Variants in ZFPM2 observed in about 807,000 individuals in gnomAD.
ZFPM2 encodes zinc finger protein ZFPM2.
ZFPM2 carries 20 observed loss-of-function variants against 98.6 expected under a neutral mutation model. That is an observed-to-expected ratio of 0.20 (90% CI 0.14 to 0.29). ZFPM2 has a LOEUF of 0.29. Among genes scored for constraint, ZFPM2 ranks in the 10% least tolerant of loss-of-function variants. ZFPM2 has a pLI of 1.00. For synonymous variants in ZFPM2, 518 were observed against 502.7 expected (o/e 1.03, Z -0.41); for missense variants, 1,310 against 1,388.6 (o/e 0.94, Z 0.90).
chr8:105,565,282 A>G (rs1045658581), intron 4 of ZFPM2, among the ~76,000 whole-genome samples: 4 of 152,200 alleles, frequency 2.6e-5, no homozygotes, highest in Non-Finnish European at 4.4e-5. Flanking sequence ...TAGTTTGACA[A>G]AAAGTTGTTC....
chr8:105,320,063 C>A (rs1811991881), intron 1 of ZFPM2, among the ~76,000 whole-genome samples: 2 of 152,180 alleles, frequency 1.3e-5, no homozygotes, highest in Admixed American at 1.3e-4. Context: ...TAGTTTTAAA[C>A]AAATTATGAT....
In ZFPM2 at chr8:105,756,759, G is replaced by T. The variant is rs1206935378; in HGVS notation, c.533-31959G>T. On this transcript the variant is annotated intron_variant, in intron 5 of 7. Transcript: ENST00000407775. Reference sequence around the variant, plus strand: ...AAATGCAGTTTTTAAACTAGGTAGAGGCTTTTGTAGATTTCATGCAGCAGT... The same window carrying T: ...AAATGCAGTTTTTAAACTAGGTAGATGCTTTTGTAGATTTCATGCAGCAGT... Among the ~76,000 whole-genome samples the T allele has an allele frequency of 1.5e-3, 12 of 7,998 alleles. No individual in the cohort carries two copies. The African/African-American group carries it at 0.017, about 11-fold the overall frequency. 5.2% of individuals were successfully genotyped at this position (7,998 alleles called of 152,430 possible). A position where few individuals can be genotyped will look rare whatever the true frequency, so the allele number is the denominator to read the frequency against.
intron 3 of ZFPM2, among the ~76,000 whole-genome samples, chr8:105,472,888 CCTT>C (rs1293547062): frequency 0.023 from 2,549 of 110,430 alleles, 83 homozygotes; most frequent in African/African-American, 0.078. Flanking sequence ...CCTAAAGGGA[CCTT>C]TTTTTTTTTT....
intron 1 of ZFPM2, among the ~76,000 whole-genome samples, chr8:105,389,011 G>A (rs1378876685): frequency 8.2e-6 from 1 of 121,508 alleles, no homozygotes; most frequent in African/African-American, 3.6e-5. Context: ...AGAATTTGAT[G>A]ACGTGTGTGT....
Position 105,444,177 on chromosome 8 carries a change from C to G in ZFPM2, c.200-103C>G, listed in dbSNP as rs568833824. On this transcript the variant is annotated intron_variant, in intron 2 of 7. Coordinates refer to ENST00000407775, the MANE Select transcript of ZFPM2 (RefSeq NM_012082.4). ...GTGTAATGACAATATGTATAACAAACCTGTAATTAGATATATGATAAGGAC... is the reference window on the plus strand; with the variant it reads ...GTGTAATGACAATATGTATAACAAAGCTGTAATTAGATATATGATAAGGAC... 3.5e-6 allele frequency: 3 copies of G among 858,104 alleles called. No homozygotes were observed. The East Asian group carries it at 8.1e-5, about 23-fold the overall frequency. 53.2% of individuals were successfully genotyped at this position (858,104 alleles called of 1,614,324 possible).
At chr8:105,438,751 T>C (rs533760402) in intron 2 of ZFPM2, among the ~76,000 whole-genome samples, 1 of 152,232 alleles carries the variant, frequency 6.6e-6, no homozygotes, top group East Asian at 1.9e-4. Flanking sequence ...TGTATTTGTA[T>C]CACAGGGTCA....
chr8:105,660,862 TATC>T (rs1343668936), intron 5 of ZFPM2, among the ~76,000 whole-genome samples: 3 of 152,142 alleles, frequency 2.0e-5, no homozygotes, highest in Admixed American at 6.5e-5. Flanking sequence ...TTACATATAA[TATC>T]ATAGAAAGCA....
chr8:105,427,364 C>T (rs1934610436), intron 2 of ZFPM2, among the ~76,000 whole-genome samples: 1 of 152,064 alleles, frequency 6.6e-6, no homozygotes, highest in African/African-American at 2.4e-5. Flanking sequence ...ATATGAGTAA[C>T]ATATGATAAT....
chr8:105,582,739 A>G (rs1165427423), intron 4 of ZFPM2, among the ~76,000 whole-genome samples: 1 of 152,072 alleles, frequency 6.6e-6, no homozygotes, highest in Non-Finnish European at 1.5e-5. Flanking sequence ...GACCACAAGC[A>G]TGTGCCACCA....
intron 3 of ZFPM2, among the ~76,000 whole-genome samples, chr8:105,543,759 G>A (rs1424996979): frequency 6.6e-6 from 1 of 151,840 alleles, no homozygotes; most frequent in African/African-American, 2.4e-5. Context: ...GTGTATTCAA[G>A]TAGTATTTAT....
chr8:105,749,690 T>G (rs1563548001), intron 5 of ZFPM2, among the ~76,000 whole-genome samples: 1 of 150,416 alleles, frequency 6.6e-6, no homozygotes, highest in African/African-American at 2.5e-5. Flanking sequence ...GAGAGTAAGA[T>G]AAAAGAAGAG....
chr8:105,506,754 G>A (rs1252706131), intron 3 of ZFPM2, among the ~76,000 whole-genome samples: 1 of 152,142 alleles, frequency 6.6e-6, no homozygotes, highest in Admixed American at 6.6e-5. Context: ...TTGGGAGGCT[G>A]AGGCGGGCGG....
chr8:105,373,902 T>G (rs1810672240), intron 1 of ZFPM2, among the ~76,000 whole-genome samples: 1 of 152,116 alleles, frequency 6.6e-6, no homozygotes, highest in African/African-American at 2.4e-5. Context: ...GCATAAAAGG[T>G]CATCTTTGAT....
chr8:105,685,641 C>T (rs1381297535), intron 5 of ZFPM2: 1 of 151,990 alleles, frequency 6.6e-6, no homozygotes, highest in African/African-American at 2.4e-5. Context: ...GGCAGCTTCT[C>T]TAATATGTCT....
At position 105,534,125 on chromosome 8, in the gene ZFPM2, T is replaced by TCCTCCCTC. The variant is rs1480728929; in HGVS notation, c.302-27231_302-27230insCCCTCCCT. On this transcript the variant is annotated intron_variant, in intron 3 of 7. Transcript: ENST00000407775. ...TTCCTCCCTTCCTTCCTCCCTTCCT[T>TCCTCCCTC]CCTCCCTTCCTTCCTTTCTTCCTTC... is the stretch of plus-strand genomic sequence containing the variant. Among the ~76,000 whole-genome samples the TCCTCCCTC allele has an allele frequency of 7.7e-3, 135 of 17,560 alleles. 5 individuals carry two copies. Among genetic ancestry groups the TCCTCCCTC allele is most frequent in the African/African-American group, 0.027 (44 of 1,610 alleles). The allele number at this position is 17,560 out of a possible 152,430, so 11.5% of individuals were successfully genotyped here.
intron 1 of ZFPM2, among the ~76,000 whole-genome samples, chr8:105,392,039 C>T (rs1324940819): frequency 6.6e-6 from 1 of 152,188 alleles, no homozygotes; most frequent in African/African-American, 2.4e-5. Flanking sequence ...CTTAATAAGA[C>T]TTGAAAGTCC....
chr8:105,601,435 A>G (rs952458276), intron 4 of ZFPM2, among the ~76,000 whole-genome samples: 3 of 152,090 alleles, frequency 2.0e-5, no homozygotes, highest in African/African-American at 7.2e-5. Context: ...GGTCAAACTT[A>G]GCTAAAATGG....
At chr8:105,319,311 C>T (rs1811973974) in intron 1 of ZFPM2, among the ~76,000 whole-genome samples, 2 of 152,200 alleles carry the variant, frequency 1.3e-5, no homozygotes, top group African/African-American at 4.8e-5. Context: ...GGCAGTCCCG[C>T]TCCTTTAGAC....
At chr8:105,490,825 A>G (rs1813342465) in intron 3 of ZFPM2, among the ~76,000 whole-genome samples, 1 of 152,210 alleles carries the variant, frequency 6.6e-6, no homozygotes, top group Non-Finnish European at 1.5e-5. Context: ...TGTACAAAAT[A>G]CAGTACTTGC....
Sources: allele counts gnomAD v4.1 joint callset (sites outside exome capture counted in the v4.1 genomes callset), GRCh38; gene constraint gnomAD v4.1.1; transcripts MANE v1.5; gene names NCBI Gene and HGNC (gene_info 2026-07-23, HGNC 2026-07-21).